Variants in CSMD1 observed in about 807,000 individuals in gnomAD.
CSMD1 encodes CUB and sushi domain-containing protein 1.
CSMD1 carries 213 observed loss-of-function variants against 417.5 expected under a neutral mutation model. That is an observed-to-expected ratio of 0.51 (90% CI 0.46 to 0.57). The LOEUF is 0.57. Ranked by LOEUF, CSMD1 falls within the 20% of genes least tolerant of loss-of-function variation. The pLI is 0.00. For missense variants in CSMD1, 6,923 were observed against 4,529.7 expected (o/e 1.53, Z -15.17); for synonymous variants, 2,862 against 1,736.8 (o/e 1.65, Z -16.11).
chr8:3,663,391 C>G (rs1019130682), intron 7 of CSMD1, among the ~76,000 whole-genome samples: 1 of 152,052 alleles, frequency 6.6e-6, no homozygotes, highest in Non-Finnish European at 1.5e-5. Flanking sequence ...GTAAATTTCC[C>G]TGACTGCTTT....
chr8:4,118,348 C>A (rs530124385), intron 3 of CSMD1, among the ~76,000 whole-genome samples: 21 of 151,730 alleles, frequency 1.4e-4, no homozygotes, highest in African/African-American at 4.8e-4. Context: ...TTGCAATCTA[C>A]CCATCTGACA....
chr8:3,563,872 G>A (rs1407054744), intron 10 of CSMD1, among the ~76,000 whole-genome samples: 1 of 152,108 alleles, frequency 6.6e-6, no homozygotes, highest in Non-Finnish European at 1.5e-5. Context: ...CTAGGTGACA[G>A]AACTAGACTC....
intron 1 of CSMD1, among the ~76,000 whole-genome samples, chr8:4,960,860 A>G (rs530430699): frequency 1.3e-5 from 2 of 152,278 alleles, no homozygotes; most frequent in East Asian, 1.9e-4. Flanking sequence ...ATATAATAAT[A>G]AAATGTTTAT....
intron 6 of CSMD1, among the ~76,000 whole-genome samples, chr8:3,728,623 A>G (rs545086618): frequency 6.6e-6 from 1 of 152,094 alleles, no homozygotes; most frequent in African/African-American, 2.4e-5. Flanking sequence ...TGTGGTAGAG[A>G]CCACCATCCT....
chr8:3,977,196 ACAAT>A (rs1202779782), intron 5 of CSMD1, among the ~76,000 whole-genome samples: 1 of 152,106 alleles, frequency 6.6e-6, no homozygotes, highest in East Asian at 1.9e-4. Context: ...CCCTGGGATC[ACAAT>A]CAGTGAACAC....
At chr8:4,567,515 T>C (rs1798669662) in intron 2 of CSMD1, among the ~76,000 whole-genome samples, 1 of 152,112 alleles carries the variant, frequency 6.6e-6, no homozygotes, top group African/African-American at 2.4e-5. Flanking sequence ...AACTTAGAAA[T>C]CGCAGGTAGA....
rs10086116 is a variant in CSMD1, at chr8:3,903,167, C to T, written c.818+94736G>A. On this transcript the variant is annotated intron_variant, in intron 5 of 69. Transcript: ENST00000635120. ...TGTATGAGCTCTGCATTCCATTTAGCGATTGAGTATTAAGTGTTCTTCTTA... is the reference window on the plus strand; with the variant it reads ...TGTATGAGCTCTGCATTCCATTTAGTGATTGAGTATTAAGTGTTCTTCTTA... Among the ~76,000 whole-genome samples, 750 of 152,160 alleles carry T rather than the reference C, an allele frequency of 4.9e-3. 8 individuals carry two copies. Among genetic ancestry groups the T allele is most frequent in the African/African-American group, 0.017 (719 of 41,536 alleles).
At chr8:4,641,662 C>T (rs565019108) in intron 1 of CSMD1, among the ~76,000 whole-genome samples, 68 of 152,256 alleles carry the variant, frequency 4.5e-4, no homozygotes, top group South Asian at 2.1e-4. Flanking sequence ...TATATCTCCA[C>T]GAACAAACAC....
chr8:3,244,532 C>T (rs953952433), intron 26 of CSMD1, among the ~76,000 whole-genome samples: 10 of 152,178 alleles, frequency 6.6e-5, no homozygotes, highest in Admixed American at 5.2e-4. Context: ...ACTGTACATA[C>T]ATCTGGGTCG....
At chr8:3,134,848 A>C (rs1002195313) in intron 41 of CSMD1, among the ~76,000 whole-genome samples, 22 of 152,196 alleles carry the variant, frequency 1.4e-4, no homozygotes, top group African/African-American at 4.8e-4. Flanking sequence ...AAATGTGCAT[A>C]ACCCTTGGAA....
intron 2 of CSMD1, among the ~76,000 whole-genome samples, chr8:4,430,497 A>C (rs1410318018): frequency 6.6e-6 from 1 of 152,120 alleles, no homozygotes; most frequent in Non-Finnish European, 1.5e-5. Flanking sequence ...AATTTGCACT[A>C]AACAAAAATT....
intron 6 of CSMD1, among the ~76,000 whole-genome samples, chr8:3,752,615 C>A (rs1015197766): frequency 3.4e-5 from 5 of 146,668 alleles, no homozygotes; most frequent in African/African-American, 1.3e-4. Flanking sequence ...GACTGCACCA[C>A]TGCACTCCAG....
chr8:4,946,089 A>G (rs1175435928), intron 1 of CSMD1, among the ~76,000 whole-genome samples: 1 of 152,128 alleles, frequency 6.6e-6, no homozygotes, highest in Non-Finnish European at 1.5e-5. Context: ...GTCCACTTGC[A>G]CACCCAGCTG....
chr8:3,111,267 A>T (rs1303522997), intron 42 of CSMD1, among the ~76,000 whole-genome samples: 1 of 152,240 alleles, frequency 6.6e-6, no homozygotes, highest in African/African-American at 2.4e-5. Flanking sequence ...GAGGCGGGAT[A>T]TGATACACTG....
intron 22 of CSMD1, among the ~76,000 whole-genome samples, chr8:3,343,945 T>C (rs948756772): frequency 2.0e-5 from 3 of 152,208 alleles, no homozygotes; most frequent in Non-Finnish European, 2.9e-5. Flanking sequence ...TCACATTCTG[T>C]AGTCTGCAAG....
At chr8:4,264,079 G>C (rs1425239408) in intron 3 of CSMD1, among the ~76,000 whole-genome samples, 3 of 152,064 alleles carry the variant, frequency 2.0e-5, no homozygotes, top group African/African-American at 7.2e-5. Context: ...TATAAAATGA[G>C]GATGATAACA....
intron 26 of CSMD1, among the ~76,000 whole-genome samples, chr8:3,251,219 C>T (rs964231574): frequency 5.3e-5 from 8 of 152,108 alleles, no homozygotes; most frequent in Admixed American, 5.2e-4. Context: ...AGTCTTTAAC[C>T]CATCTTGAAT....
At chr8:4,894,458 C>A (rs929357138) in intron 1 of CSMD1, among the ~76,000 whole-genome samples, 1 of 151,388 alleles carries the variant, frequency 6.6e-6, no homozygotes, top group Non-Finnish European at 1.5e-5. Context: ...GAGGCTGAGG[C>A]AGGAGAATCA....
intron 4 of CSMD1, among the ~76,000 whole-genome samples, chr8:4,000,617 G>C (rs377673454): frequency 6.6e-6 from 1 of 151,946 alleles, no homozygotes; most frequent in African/African-American, 2.4e-5. Flanking sequence ...CTTCATAAAG[G>C]GATGAGGTAA....
Sources: allele counts gnomAD v4.1 joint callset (sites outside exome capture counted in the v4.1 genomes callset), GRCh38; gene constraint gnomAD v4.1.1; transcripts MANE v1.5; gene names NCBI Gene and HGNC (gene_info 2026-07-23, HGNC 2026-07-21).